The following ITGA11 variants were observed in gnomAD, a reference collection of about 807,000 sequenced individuals.
The protein encoded by ITGA11 is integrin subunit alpha 11.
A neutral mutation model predicts 141.9 loss-of-function variants in ITGA11; 97 were observed. That is an observed-to-expected ratio of 0.68 (90% CI 0.58 to 0.81). The LOEUF is 0.81. Among genes scored for constraint, ITGA11 ranks in the 30% least tolerant of loss-of-function variants. The pLI is 0.00. For synonymous variants in ITGA11, 658 were observed against 624.6 expected (o/e 1.05, Z -0.80); for missense variants, 1,387 against 1,559.2 (o/e 0.89, Z 1.86).
chr15:68,328,636 G>A lies in ITGA11; in HGVS notation c.1902-374C>T, dbSNP rs1894060361. On this transcript the variant is annotated intron_variant, in intron 15 of 29. Transcript: ENST00000315757. The surrounding 1 kb of genome is among the most constrained non-coding windows in gnomAD (Gnocchi z 4.8). ...ATCTGAAGAGCTTAAAAAAATCCTG[G>A]TGCCTCAGCTACACCCTAGGCAAAA... 6.6e-6 allele frequency among the ~76,000 whole-genome samples: 1 copy of A among 152,112 alleles called. No homozygotes were observed. The highest frequency in any genetic ancestry group is 1.5e-5 in the Non-Finnish European group (1 of 68,022).
Position 68,303,112 on chromosome 15 carries a change from C to T in ITGA11, c.3514G>A (p.Ala1172Thr). 1 of 1,551,344 alleles carries T rather than the reference C, an allele frequency of 6.4e-7. No homozygotes were observed. Residue 1172 changes from alanine to threonine, a missense_variant, in exon 30 of 30, where the codon GCC (alanine) becomes ACC (threonine). Coordinates refer to ENST00000315757, the MANE Select transcript of ITGA11 (RefSeq NM_001004439.2). This position sits in a 1 kb window ranked among gnomAD's most constrained non-coding sequence, Gnocchi z 5.3. The part of the protein sequence containing the change: ...ALWKLGFFRS[A>T]RRRREPGLDP... ...AGACCAGGCTCCCTCCTGCGCCTGG[C>T]ACTTCTAAAGAAGCCGAGCTGTGAG...
At chr15:68,379,827 T>G (rs1241898450) in intron 2 of ITGA11, among the ~76,000 whole-genome samples, 1 of 152,322 alleles carries the variant, frequency 6.6e-6, no homozygotes, top group African/African-American at 2.4e-5. Context: ...AGCAATAGTT[T>G]GGACAGATGT....
intron 20 of ITGA11, among the ~76,000 whole-genome samples, chr15:68,319,360 G>A (rs1054624949): frequency 3.3e-5 from 5 of 152,236 alleles, no homozygotes; most frequent in Non-Finnish European, 7.3e-5. Flanking sequence ...CTAGCACAGC[G>A]CTGGACGCCG....
At chr15:68,403,164 T>A (rs1171037592) in intron 1 of ITGA11, 135 bp from the exon 2 acceptor site, 3 of 644,756 alleles carry the variant, frequency 4.7e-6, no homozygotes, top group Admixed American at 5.0e-5. Context: ...TGTTTCCCCA[T>A]CTTGGGGAGT....
chr15:68,414,648 CT>C (rs960862960), intron 1 of ITGA11, among the ~76,000 whole-genome samples: 79 of 152,342 alleles, frequency 5.2e-4, no homozygotes, highest in African/African-American at 1.7e-3. Context: ...CCAAATCCAT[CT>C]CCCCTCAGAG....
At chr15:68,386,334 G>C (rs1895984168) in intron 2 of ITGA11, among the ~76,000 whole-genome samples, 1 of 152,162 alleles carries the variant, frequency 6.6e-6, no homozygotes, top group African/African-American at 2.4e-5. Flanking sequence ...CAGGCAAGCT[G>C]CTGGGTCTCC....
intron 1 of ITGA11, among the ~76,000 whole-genome samples, chr15:68,413,305 C>T (rs1228764537): frequency 6.6e-6 from 1 of 152,174 alleles, no homozygotes; most frequent in East Asian, 1.9e-4. Flanking sequence ...TCACCAGCCT[C>T]TCTTCATACT....
chr15:68,394,907 G>C (rs1896195650), intron 2 of ITGA11, among the ~76,000 whole-genome samples: 1 of 152,146 alleles, frequency 6.6e-6, no homozygotes, highest in African/African-American at 2.4e-5. Context: ...TCTTTAAGAA[G>C]TTGAGATCCA....
chr15:68,396,293 A>G (rs769742893), intron 2 of ITGA11, among the ~76,000 whole-genome samples: 3 of 152,230 alleles, frequency 2.0e-5, no homozygotes, highest in East Asian at 3.9e-4. Context: ...GTAATTAACC[A>G]TATTAACAGA....
At chr15:68,359,843 G>T (rs75175182) in intron 5 of ITGA11, among the ~76,000 whole-genome samples, 8,312 of 152,114 alleles carry the variant, frequency 0.055, 786 homozygotes, top group African/African-American at 0.19. Flanking sequence ...CTGCGTCTGG[G>T]CATTGCTCAT....
At chr15:68,320,670 C>T (rs1893775492) in intron 19 of ITGA11, among the ~76,000 whole-genome samples, 1 of 152,214 alleles carries the variant, frequency 6.6e-6, no homozygotes, top group South Asian at 2.1e-4. Flanking sequence ...ACTCACGCAT[C>T]ACCACTCCGC....
In ITGA11 at chr15:68,302,158, C is replaced by CATAACTCT. The variant is rs1221030917; in HGVS notation, c.*900_*901insAGAGTTAT. 1 of 152,314 alleles carries CATAACTCT rather than the reference C, an allele frequency of 6.6e-6. No individual in the cohort carries two copies. The highest frequency in any genetic ancestry group is 1.5e-5 in the Non-Finnish European group (1 of 68,784). 9.4% of individuals were successfully genotyped at this position (152,314 alleles called of 1,614,324 possible). A position where few individuals can be genotyped will look rare whatever the true frequency, so the allele number is the denominator to read the frequency against. ...GGGAGGGGAGGCTCCCTACCCCTAC[C>CATAACTCT]CCTGCTGCCCAGCTGCAGCCAGGCC... On this transcript the variant is annotated 3_prime_UTR_variant, in exon 30 of 30. Coordinates refer to ENST00000315757, the MANE Select transcript of ITGA11 (RefSeq NM_001004439.2).
At position 68,333,564 on chromosome 15, in the gene ITGA11, T is replaced by TCCA. The variant is rs1049178572; in HGVS notation, c.1426-1089_1426-1087dup. Among the ~76,000 whole-genome samples, 33 of 152,162 alleles carry TCCA rather than the reference T, an allele frequency of 2.2e-4. No individual in the cohort carries two copies. The highest frequency in any genetic ancestry group is 7.9e-4 in the African/African-American group (33 of 41,530). ...TCATCAGAAACCCAGAAACCCTGACTCCACCCTCCACCTCTCCCACCCGTA... is the reference window on the plus strand; with the variant it reads ...TCATCAGAAACCCAGAAACCCTGACTCCACCACCCTCCACCTCTCCCACCCGTA... On this transcript the variant is annotated intron_variant, in intron 12 of 29. Coordinates refer to ENST00000315757, the MANE Select transcript of ITGA11 (RefSeq NM_001004439.2). This position sits in a 1 kb window ranked among gnomAD's most constrained non-coding sequence, Gnocchi z 4.2.
At chr15:68,366,522 T>C (rs1460716369) in intron 3 of ITGA11, among the ~76,000 whole-genome samples, 1 of 152,114 alleles carries the variant, frequency 6.6e-6, no homozygotes, top group East Asian at 1.9e-4. Flanking sequence ...AATTCTGCCC[T>C]CCGTTTATTT....
chr15:68,387,181 G>A (rs1041343595), intron 2 of ITGA11, among the ~76,000 whole-genome samples: 1 of 152,142 alleles, frequency 6.6e-6, no homozygotes, highest in Non-Finnish European at 1.5e-5. Context: ...GCCTCTGGGT[G>A]CATTACAAGA....
chr15:68,431,033 CA>C (rs1205022646), intron 1 of ITGA11, among the ~76,000 whole-genome samples: 1 of 152,266 alleles, frequency 6.6e-6, no homozygotes, highest in African/African-American at 2.4e-5. Flanking sequence ...GTTGAGCGCC[CA>C]CACCCGGCCA....
chr15:68,343,644 C>T (rs539946367), intron 10 of ITGA11, among the ~76,000 whole-genome samples: 1 of 152,060 alleles, frequency 6.6e-6, no homozygotes, highest in Non-Finnish European at 1.5e-5. Context: ...GATGGGAGAC[C>T]CCTAGAGGAC....
intron 1 of ITGA11, among the ~76,000 whole-genome samples, chr15:68,408,279 A>G (rs1896693217): frequency 6.6e-6 from 1 of 152,092 alleles, no homozygotes; most frequent in Non-Finnish European, 1.5e-5. Flanking sequence ...CCTTGATTAC[A>G]TCAGATCTTG....
rs781200956 is a variant in ITGA11, at chr15:68,326,782, C to T, written c.2083G>A (p.Ala695Thr). Residue 695 changes from alanine to threonine, a missense_variant, in exon 17 of 30, where the codon GCC (alanine) becomes ACC (threonine). Physicochemically the swap from Ala to Thr is moderately conservative, Grantham distance 58 (BLOSUM62 0). Coordinates refer to ENST00000315757, the MANE Select transcript of ITGA11 (RefSeq NM_001004439.2). The surrounding 1 kb of genome is among the most constrained non-coding windows in gnomAD (Gnocchi z 6.8). ...GTATACCGCCTCTCATCCATGGTGGCGTTGTATCTGATGCCTGCAGGAGGG... is the reference window on the plus strand; with the variant it reads ...GTATACCGCCTCTCATCCATGGTGGTGTTGTATCTGATGCCTGCAGGAGGG... The part of the protein sequence containing the change: ...QTTTVGIRYN[A>T]TMDERRYTPR... 8.9e-6 allele frequency: 14 copies of T among 1,580,628 alleles called. No homozygotes were observed. The highest frequency in any genetic ancestry group is 4.6e-5 in the East Asian group (2 of 43,102).
Sources: allele counts gnomAD v4.1 joint callset (sites outside exome capture counted in the v4.1 genomes callset), GRCh38; gene constraint gnomAD v4.1.1; non-coding constraint Gnocchi (gnomAD v3.1); transcripts MANE v1.5; gene names NCBI Gene and HGNC (gene_info 2026-07-23, HGNC 2026-07-21).